Variants in CEP20 observed in about 807,000 individuals in gnomAD.
CEP20 encodes the protein FGFR1OP N-terminal like.
A neutral mutation model predicts 20.0 loss-of-function variants in CEP20; 18 were observed. That is an observed-to-expected ratio of 0.90 (90% CI 0.62 to 1.34). CEP20 has a LOEUF of 1.34. Ranked by LOEUF, CEP20 falls within the 40% of genes most tolerant of loss-of-function variation. The pLI, the probability that CEP20 is intolerant of heterozygous loss-of-function variation, is 0.00. For synonymous variants in CEP20, 77 were observed against 73.7 expected, an observed-to-expected ratio of 1.04 and a Z score of -0.23; for missense variants, 215 against 201.6, an observed-to-expected ratio of 1.07 and a Z score of -0.40.
intron 1 of CEP20, among the ~76,000 whole-genome samples, chr16:15,888,069 C>T (rs1422732709): frequency 7.2e-6 from 1 of 138,246 alleles, no homozygotes; most frequent in African/African-American, 2.8e-5. Flanking sequence ...CAGAGAGACC[C>T]TCTCTTTAAA....
intron 1 of CEP20, among the ~76,000 whole-genome samples, chr16:15,887,614 G>A (rs528456188): frequency 6.6e-6 from 1 of 152,256 alleles, no homozygotes; most frequent in African/African-American, 2.4e-5. Flanking sequence ...TAACACACAG[G>A]CTGAGTTGAG....
At chr16:15,872,012 C>A (rs2044830880) in intron 4 of CEP20, among the ~76,000 whole-genome samples, 3 of 152,108 alleles carry the variant, frequency 2.0e-5, no homozygotes, top group African/African-American at 7.2e-5. Flanking sequence ...TTTAACTGTC[C>A]TTAAAAATTG....
chr16:15,884,380 A>G (rs527914681), intron 1 of CEP20, among the ~76,000 whole-genome samples, 175 bp from the exon 2 acceptor site: 1 of 152,252 alleles, frequency 6.6e-6, no homozygotes, highest in Non-Finnish European at 1.5e-5. Context: ...CCATGTTTAT[A>G]CTAAAACATA....
intron 4 of CEP20, among the ~76,000 whole-genome samples, chr16:15,871,824 T>C (rs1234776169): frequency 6.6e-6 from 1 of 152,202 alleles, no homozygotes; most frequent in Non-Finnish European, 1.5e-5. Context: ...CCTGATTCAC[T>C]GTTTACTTTC....
intron 4 of CEP20, among the ~76,000 whole-genome samples, chr16:15,868,394 G>A (rs998347722): frequency 2.0e-5 from 3 of 152,072 alleles, no homozygotes; most frequent in African/African-American, 7.2e-5. Flanking sequence ...CTGCACTCCA[G>A]CCTGGGCGAC....
intron 1 of CEP20, among the ~76,000 whole-genome samples, chr16:15,885,365 A>G (rs2045216198): frequency 1.3e-5 from 2 of 151,770 alleles, no homozygotes; most frequent in African/African-American, 4.8e-5. Context: ...ATAATCCACA[A>G]CGCTTTAGGG....
chr16:15,871,590 C>T (rs993416481), intron 4 of CEP20, among the ~76,000 whole-genome samples: 5 of 152,076 alleles, frequency 3.3e-5, no homozygotes, highest in Admixed American at 6.5e-5. Context: ...GAAAGGTATA[C>T]GGGAACAGCA....
chr16:15,882,557 A>C (rs1297542789), intron 2 of CEP20, among the ~76,000 whole-genome samples: 1 of 143,128 alleles, frequency 7.0e-6, no homozygotes, highest in Non-Finnish European at 1.5e-5. Context: ...CAAACATACA[A>C]AAAAACCTCT....
chr16:15,888,086 A>G (rs2045288980), intron 1 of CEP20, among the ~76,000 whole-genome samples: 1 of 151,464 alleles, frequency 6.6e-6, no homozygotes, highest in Admixed American at 6.6e-5. Flanking sequence ...TAAAAAAAAA[A>G]AAAAAAAGCA....
intron 4 of CEP20, among the ~76,000 whole-genome samples, chr16:15,868,119 C>T (rs1232894522): frequency 6.6e-6 from 1 of 151,764 alleles, no homozygotes; most frequent in Non-Finnish European, 1.5e-5. Context: ...CTCTCTCTTA[C>T]ATGTAAGGAA....
rs1218534204 is a variant in CEP20 at position 15,882,770 on chromosome 16, T to TACACA, written c.226+1237_226+1238insTGTGT. ...ATCTATCTATCTATCTATCTATCTA[T>TACACA]CTATCTATCTAGATACACACACACA... On this transcript the variant is annotated intron_variant, in intron 2 of 4. Coordinates refer to ENST00000255759, the MANE Select transcript of CEP20 (RefSeq NM_144600.4). Among the ~76,000 whole-genome samples the TACACA allele has an allele frequency of 1.4e-4, 11 of 78,968 alleles. No individual in the cohort carries two copies. The East Asian group carries it at 4.0e-3, about 29-fold the overall frequency. 51.8% of individuals were successfully genotyped at this position (78,968 alleles called of 152,430 possible). A position where few individuals can be genotyped will look rare whatever the true frequency, so the allele number is the denominator to read the frequency against.
rs1266678714 is a variant in CEP20 at position 15,888,577 on chromosome 16, A to T, written c.9T>A (p.Thr3=). The T allele has an allele frequency of 3.1e-6, 5 of 1,613,974 alleles. No individual in the cohort carries two copies. Among genetic ancestry groups the T allele is most frequent in the Non-Finnish European group, 4.2e-6 (5 of 1,180,014 alleles). Residue 3 remains threonine, a synonymous_variant, in exon 1 of 5, where the codon ACT becomes ACA. Transcript: ENST00000255759. ...ACTCACCAGCCTTCAACTCTGCCAC[A>T]GTCGCCATTTTTCAACGGCCGCCAG... MA[T]VAELKAVLKD...
At chr16:15,882,285 T>C (rs999859163) in intron 2 of CEP20, among the ~76,000 whole-genome samples, 3 of 152,134 alleles carry the variant, frequency 2.0e-5, no homozygotes, top group Non-Finnish European at 4.4e-5. Flanking sequence ...CTCACGCCTG[T>C]AATCCCAACA....
chr16:15,882,753 ATCT>A (rs2045131386), intron 2 of CEP20, among the ~76,000 whole-genome samples: 1 of 133,358 alleles, frequency 7.5e-6, no homozygotes, highest in Non-Finnish European at 1.6e-5. Context: ...CTATCTATCT[ATCT>A]ATCTATCTAT....
intron 3 of CEP20, among the ~76,000 whole-genome samples, chr16:15,875,195 T>C (rs945837034): frequency 6.6e-6 from 1 of 152,228 alleles, no homozygotes; most frequent in Non-Finnish European, 1.5e-5. Flanking sequence ...GAAAGTAAGT[T>C]TCTTTATTTA....
chr16:15,873,306 C>A (rs1596992009), intron 4 of CEP20, among the ~76,000 whole-genome samples, 185 bp downstream of exon 4: 1 of 152,050 alleles, frequency 6.6e-6, no homozygotes, highest in Admixed American at 6.6e-5. Flanking sequence ...ATGCCTCCCA[C>A]CCTTCCCTGT....
At chr16:15,880,255 G>C (rs971053985) in intron 2 of CEP20, among the ~76,000 whole-genome samples, 2 of 152,146 alleles carry the variant, frequency 1.3e-5, no homozygotes, top group Non-Finnish European at 2.9e-5. Flanking sequence ...AAGTTAACCT[G>C]AAGTGTGGGG....
chr16:15,885,379 G>T (rs1309760708), intron 1 of CEP20, among the ~76,000 whole-genome samples: 1 of 151,928 alleles, frequency 6.6e-6, no homozygotes, highest in Non-Finnish European at 1.5e-5. Flanking sequence ...TTTAGGGAGT[G>T]AAAAGGTGTT....
chr16:15,867,711 G>A (rs764378107), intron 4 of CEP20, among the ~76,000 whole-genome samples, 195 bp from the exon 5 acceptor site: 12 of 152,072 alleles, frequency 7.9e-5, no homozygotes, highest in East Asian at 1.9e-4. Context: ...GGTGGCTCAC[G>A]CCTGTAATCC....
Sources: allele counts gnomAD v4.1 joint callset (sites outside exome capture counted in the v4.1 genomes callset), GRCh38; gene constraint gnomAD v4.1.1; transcripts MANE v1.5; gene names NCBI Gene and HGNC (gene_info 2026-07-23, HGNC 2026-07-21).